LRMDA: variants seen among roughly 807,000 people sequenced by gnomAD.
The protein encoded by LRMDA is leucine rich melanocyte differentiation associated.
Under a neutral mutation model 29.8 loss-of-function variants are expected in LRMDA, and 18 were observed. The observed-to-expected ratio is 0.60, with a 90% CI of 0.42 to 0.90. The LOEUF (loss-of-function observed/expected upper bound fraction) is 0.90. Ranked by LOEUF, LRMDA falls within the 40% of genes least tolerant of loss-of-function variation. The pLI, the probability that LRMDA is intolerant of heterozygous loss-of-function variation, is 0.00. For synonymous variants in LRMDA, 125 were observed against 109.4 expected, an observed-to-expected ratio of 1.14 and a Z score of -0.89; for missense variants, 273 against 273.9, an observed-to-expected ratio of 1.00 and a Z score of 0.02.
chr10:75,787,770 C>T (rs1308580496), intron 2 of LRMDA, among the ~76,000 whole-genome samples: 3 of 152,236 alleles, frequency 2.0e-5, no homozygotes, highest in Non-Finnish European at 4.4e-5. Flanking sequence ...TGGCTTGCGC[C>T]TGTAATCCCA....
In LRMDA at chr10:75,895,193, GC is replaced by G. The variant is rs138982254; in HGVS notation, c.132-140814del. Among the ~76,000 whole-genome samples, 45 of 152,318 alleles carry G rather than the reference GC, an allele frequency of 3.0e-4. No homozygotes were observed. In the East Asian group the frequency reaches 8.5e-3, roughly 29 times the overall value. ...GACTTTATTCATTGGATGATGGGCAGCTTTTGAGCCAACAAACAACATGGGG... is the reference window on the plus strand; with the variant it reads ...GACTTTATTCATTGGATGATGGGCAGTTTTGAGCCAACAAACAACATGGGG... On this transcript the variant is annotated intron_variant, in intron 2 of 6. Coordinates refer to ENST00000611255, the MANE Select transcript of LRMDA (RefSeq NM_001305581.2).
chr10:76,011,806 C>A (rs1847787033), intron 2 of LRMDA, among the ~76,000 whole-genome samples: 2 of 152,110 alleles, frequency 1.3e-5, no homozygotes, highest in South Asian at 4.1e-4. Context: ...GCAGGTGGGG[C>A]AAAACATGGG....
chr10:76,128,658 G>C (rs1248828700), intron 5 of LRMDA, among the ~76,000 whole-genome samples: 1 of 152,136 alleles, frequency 6.6e-6, no homozygotes, highest in Non-Finnish European at 1.5e-5. Flanking sequence ...ATCCATCCCT[G>C]AACTCCTCTT....
At chr10:76,553,469 G>A (rs769645792) in intron 6 of LRMDA, among the ~76,000 whole-genome samples, 1 of 152,146 alleles carries the variant, frequency 6.6e-6, no homozygotes, top group Non-Finnish European at 1.5e-5. Flanking sequence ...TGTTCCCTCC[G>A]TAATTTTCAC....
At chr10:76,004,415 T>C (rs549131054) in intron 2 of LRMDA, among the ~76,000 whole-genome samples, 4 of 152,324 alleles carry the variant, frequency 2.6e-5, no homozygotes, top group South Asian at 2.1e-4. Flanking sequence ...TGCTTATGGA[T>C]AATTGCTGCT....
chr10:75,829,402 C>T lies in LRMDA; in HGVS notation c.132-206606C>T, dbSNP rs144588683. 7.1e-4 allele frequency among the ~76,000 whole-genome samples: 108 copies of T among 152,254 alleles called. 1 individual carries two copies. In the East Asian group the frequency reaches 0.019, roughly 27 times the overall value. ...CTTTGTTTTAATGGGCTGTCTGTGG[C>T]CCTGCAGCTTCTCTCTACTGGCCCC... On this transcript the variant is annotated intron_variant, in intron 2 of 6. Transcript: ENST00000611255.
intron 6 of LRMDA, among the ~76,000 whole-genome samples, chr10:76,459,646 C>T (rs1842492214): frequency 6.6e-6 from 1 of 152,164 alleles, no homozygotes; most frequent in Non-Finnish European, 1.5e-5. Context: ...GTAAATGCTT[C>T]CTACCAATGT....
At chr10:76,268,161 G>A (rs1317761736) in intron 5 of LRMDA, among the ~76,000 whole-genome samples, 1 of 152,162 alleles carries the variant, frequency 6.6e-6, no homozygotes, top group Non-Finnish European at 1.5e-5. Context: ...ATAACCTGGT[G>A]TGAAGGCCAA....
intron 5 of LRMDA, among the ~76,000 whole-genome samples, chr10:76,238,219 T>G (rs1852197161): frequency 6.6e-6 from 1 of 152,132 alleles, no homozygotes; most frequent in Non-Finnish European, 1.5e-5. Flanking sequence ...AACTCAGAGA[T>G]TGCCATGGCA....
intron 2 of LRMDA, among the ~76,000 whole-genome samples, chr10:75,934,038 C>A (rs1211907004): frequency 1.3e-5 from 2 of 152,210 alleles, no homozygotes; most frequent in Admixed American, 1.3e-4. Context: ...CAGCTCCAGC[C>A]TTCTTGGTTA....
At chr10:75,508,914 T>G (rs1430439474) in intron 2 of LRMDA, among the ~76,000 whole-genome samples, 1 of 152,212 alleles carries the variant, frequency 6.6e-6, no homozygotes, top group Non-Finnish European at 1.5e-5. Flanking sequence ...GTCTTTATGG[T>G]GTTTTTTCAC....
rs1852536943 is a variant in LRMDA, at chr10:76,254,118, C to T, written c.517-70283C>T. 2.0e-5 allele frequency among the ~76,000 whole-genome samples: 3 copies of T among 152,274 alleles called. No homozygotes were observed. In the South Asian group the frequency reaches 6.2e-4, roughly 32 times the overall value. ...TGAATTCACTAGAATATGCCCCATA[C>T]AGTTATACTAGTTTGGTTTCTTTCA... On this transcript the variant is annotated intron_variant, in intron 5 of 6. Coordinates refer to ENST00000611255, the MANE Select transcript of LRMDA (RefSeq NM_001305581.2).
intron 2 of LRMDA, among the ~76,000 whole-genome samples, chr10:75,547,537 G>T (rs937649070): frequency 1.3e-5 from 2 of 152,188 alleles, no homozygotes; most frequent in Admixed American, 6.5e-5. Context: ...AATAAGTGCT[G>T]TGGAATGTGT....
intron 2 of LRMDA, among the ~76,000 whole-genome samples, chr10:75,835,586 CA>C (rs1293779269): frequency 6.6e-6 from 1 of 152,204 alleles, no homozygotes; most frequent in Non-Finnish European, 1.5e-5. Flanking sequence ...GGTTGATAGA[CA>C]GCACGTAGTA....
chr10:76,368,433 T>G (rs1213399100), intron 6 of LRMDA, among the ~76,000 whole-genome samples: 1 of 152,236 alleles, frequency 6.6e-6, no homozygotes, highest in African/African-American at 2.4e-5. Context: ...TGGATTTGAT[T>G]TCCAGTTTTA....
At chr10:76,465,851 C>T (rs1168460223) in intron 6 of LRMDA, among the ~76,000 whole-genome samples, 1 of 152,044 alleles carries the variant, frequency 6.6e-6, no homozygotes, top group South Asian at 2.1e-4. Context: ...GCTGTCTTCT[C>T]CCTGTGTCTT....
intron 2 of LRMDA, among the ~76,000 whole-genome samples, chr10:75,913,538 G>T (rs993162970): frequency 1.3e-5 from 2 of 152,122 alleles, no homozygotes; most frequent in African/African-American, 4.8e-5. Flanking sequence ...AGTCTCTAAA[G>T]TCTCATAGGT....
chr10:75,512,489 G>A lies in LRMDA; in HGVS notation c.131+73995G>A, dbSNP rs551549191. Among the ~76,000 whole-genome samples the A allele has an allele frequency of 3.9e-5, 6 of 152,232 alleles. No homozygotes were observed. The East Asian group carries it at 1.2e-3, about 29-fold the overall frequency. ...ATAAAAATAGGAGAAGTCAAATATA[G>A]GTTTATTGACAACAAAGGCACTATT... On this transcript the variant is annotated intron_variant, in intron 2 of 6. Coordinates refer to ENST00000611255, the MANE Select transcript of LRMDA (RefSeq NM_001305581.2).
At chr10:75,785,646 A>G (rs990610593) in intron 2 of LRMDA, among the ~76,000 whole-genome samples, 1 of 152,328 alleles carries the variant, frequency 6.6e-6, no homozygotes. Context: ...TGGAGTCCAC[A>G]TTGGGTGTGA....
Sources: allele counts gnomAD v4.1 joint callset (sites outside exome capture counted in the v4.1 genomes callset), GRCh38; gene constraint gnomAD v4.1.1; transcripts MANE v1.5; gene names NCBI Gene and HGNC (gene_info 2026-07-23, HGNC 2026-07-21).